SBK1: variants seen among roughly 807,000 people sequenced by gnomAD.
The protein encoded by SBK1 is serine/threonine-protein kinase SBK1.
In SBK1, 11 loss-of-function variants were observed where a neutral mutation model predicts 24.4. The observed-to-expected ratio is 0.45, with a 90% CI of 0.28 to 0.75. The LOEUF (loss-of-function observed/expected upper bound fraction) is 0.75. Ranked by LOEUF, SBK1 falls within the 30% of genes least tolerant of loss-of-function variation. SBK1 has a pLI of 0.12. For synonymous variants in SBK1, 308 were observed against 284.4 expected (o/e 1.08, Z -0.83); for missense variants, 467 against 620.5 (o/e 0.75, Z 2.63).
chr16:28,304,218 C>T (rs1046331455), intron 1 of SBK1, among the ~76,000 whole-genome samples: 1 of 152,136 alleles, frequency 6.6e-6, no homozygotes, highest in Non-Finnish European at 1.5e-5. Flanking sequence ...TATGCCTTTC[C>T]AGCGCTGGGG....
At chr16:28,270,624 A>G (rs1474411231) in intron 1 of SBK1, among the ~76,000 whole-genome samples, 1 of 151,140 alleles carries the variant, frequency 6.6e-6, no homozygotes, top group Non-Finnish European at 1.5e-5. Context: ...GGGTTTTACC[A>G]TGTTGCCCAG....
intron 1 of SBK1, among the ~76,000 whole-genome samples, chr16:28,303,680 G>A (rs2044696004): frequency 6.6e-6 from 1 of 150,874 alleles, no homozygotes; most frequent in South Asian, 2.1e-4. Context: ...ACTCCTGCCT[G>A]CTTTTCAAAA....
chr16:28,265,875 A>G (rs1030050500), intron 1 of SBK1, among the ~76,000 whole-genome samples: 6 of 151,880 alleles, frequency 4.0e-5, no homozygotes, highest in Non-Finnish European at 8.8e-5. Flanking sequence ...TCGGGAGGCT[A>G]AGGCAGGAGA....
At chr16:28,283,028 G>T (rs1006982638) in intron 1 of SBK1, among the ~76,000 whole-genome samples, 1 of 152,076 alleles carries the variant, frequency 6.6e-6, no homozygotes, top group Admixed American at 6.5e-5. Flanking sequence ...TGCCTCCCGG[G>T]TTCAAGCGAT....
chr16:28,289,266 G>A (rs930088963), upstream of SBK1, among the ~76,000 whole-genome samples: 7 of 152,190 alleles, frequency 4.6e-5, no homozygotes, highest in Non-Finnish European at 1.0e-4. Flanking sequence ...CCCTCTATTA[G>A]TTTATTTACG....
intron 1 of SBK1, among the ~76,000 whole-genome samples, chr16:28,296,469 C>T (rs886416009): frequency 2.0e-5 from 3 of 152,084 alleles, no homozygotes; most frequent in African/African-American, 7.2e-5. Context: ...AACACCTGAC[C>T]TCAGGTGATC....
chr16:28,278,193 C>A (rs1442004612), intron 1 of SBK1, among the ~76,000 whole-genome samples: 1 of 152,230 alleles, frequency 6.6e-6, no homozygotes, highest in African/African-American at 2.4e-5. Context: ...TCCTGCAGCT[C>A]CTCCGCCCAG....
At chr16:28,311,968 A>G (rs966920408) in intron 1 of SBK1, among the ~76,000 whole-genome samples, 4 of 152,210 alleles carry the variant, frequency 2.6e-5, no homozygotes, top group Non-Finnish European at 5.9e-5. Flanking sequence ...GCCACCAATT[A>G]AGCTCCCAGA....
chr16:28,300,819 T>C lies in SBK1; in HGVS notation c.-8+7519T>C, dbSNP rs187683884. Among the ~76,000 whole-genome samples the C allele has an allele frequency of 2.6e-5, 4 of 152,338 alleles. No homozygotes were observed. In the East Asian group the frequency reaches 5.8e-4, roughly 22 times the overall value. ...CTGTTATTTTATTATTTCACTTTAC[T>C]GAGGATGGGGAAATGGGGAGACGGT... On this transcript the variant is annotated intron_variant, in intron 1 of 3. Coordinates refer to ENST00000341901, the MANE Select transcript of SBK1 (RefSeq NM_001024401.3).
At chr16:28,261,975 G>T (rs1221480965) in intron 1 of SBK1, among the ~76,000 whole-genome samples, 1 of 152,184 alleles carries the variant, frequency 6.6e-6, no homozygotes, top group African/African-American at 2.4e-5. Context: ...CTCCTTTCTA[G>T]CTGGCAGGTT....
upstream of SBK1, among the ~76,000 whole-genome samples, chr16:28,288,294 T>C (rs563479430): frequency 2.0e-5 from 3 of 152,288 alleles, no homozygotes; most frequent in East Asian, 5.8e-4. Context: ...AACCAGAGCC[T>C]TCCTGTGTGA....
At chr16:28,264,571 C>CA (rs34293134) in intron 1 of SBK1, among the ~76,000 whole-genome samples, 1,554 of 107,754 alleles carry the variant, frequency 0.014, 15 homozygotes, top group African/African-American at 0.031. Flanking sequence ...GACTCCGTCT[C>CA]AAAAAAAAAA....
chr16:28,286,158 T>C (rs879579901), intron 1 of SBK1: 1 of 152,446 alleles, frequency 6.6e-6, no homozygotes, highest in Non-Finnish European at 1.5e-5. Flanking sequence ...CCGATCCATC[T>C]TGGGTTCTGT....
chr16:28,322,923 T>C lies in SBK1; in HGVS notation c.*2002T>C, dbSNP rs564243056. On this transcript the variant is annotated 3_prime_UTR_variant, in exon 4 of 4. Transcript: ENST00000341901. ...CTCGCTCTCTCTCTCGCGCGCGCTC[T>C]CTCTCTCCCTCTCTCTCTCTCTCTC... The C allele has an allele frequency of 5.2e-5, 1 of 19,392 alleles. No homozygotes were observed. The highest frequency in any genetic ancestry group is 2.0e-4 in the African/African-American group (1 of 5,100). The allele number at this position is 19,392 out of a possible 1,614,324, so 1.2% of individuals were successfully genotyped here.
At chr16:28,312,241 G>A (rs1023734591) in intron 1 of SBK1, among the ~76,000 whole-genome samples, 4 of 152,216 alleles carry the variant, frequency 2.6e-5, no homozygotes, top group Non-Finnish European at 5.9e-5. Context: ...AAGGGCCCAA[G>A]GACGCGCAGG....
chr16:28,315,344 C>G (rs2044787548), intron 1 of SBK1, among the ~76,000 whole-genome samples: 1 of 152,066 alleles, frequency 6.6e-6, no homozygotes, highest in African/African-American at 2.4e-5. Flanking sequence ...CTGTACACTT[C>G]AAATATGTGT....
At chr16:28,281,195 T>G (rs1289875409) in intron 1 of SBK1, among the ~76,000 whole-genome samples, 3 of 152,296 alleles carry the variant, frequency 2.0e-5, no homozygotes, top group African/African-American at 7.2e-5. Context: ...CTGGATCCAC[T>G]TAATTAGCTG....
At chr16:28,266,664 C>T (rs546147632) in intron 1 of SBK1, among the ~76,000 whole-genome samples, 240 of 151,760 alleles carry the variant, frequency 1.6e-3, no homozygotes, top group Middle Eastern at 6.9e-3. Context: ...TGCCTTGGCC[C>T]GTGACCACCT....
intron 1 of SBK1, chr16:28,285,311 T>C (rs2044558862): frequency 6.6e-6 from 1 of 152,174 alleles, no homozygotes; most frequent in Non-Finnish European, 1.5e-5. Context: ...ATCCCAGCAC[T>C]TTGGGAGGCC....
Sources: allele counts gnomAD v4.1 joint callset (sites outside exome capture counted in the v4.1 genomes callset), GRCh38; gene constraint gnomAD v4.1.1; transcripts MANE v1.5; gene names NCBI Gene and HGNC (gene_info 2026-07-23, HGNC 2026-07-21).